TMPRSS9: variants seen among roughly 807,000 people sequenced by gnomAD.
The protein encoded by TMPRSS9 is transmembrane protease serine 9.
A neutral mutation model predicts 111.4 loss-of-function variants in TMPRSS9; 113 were observed. The observed-to-expected ratio is 1.01, with a 90% CI of 0.87 to 1.19. The LOEUF (loss-of-function observed/expected upper bound fraction) is 1.19. Ranked by LOEUF, TMPRSS9 falls within the 50% of genes most tolerant of loss-of-function variation. The pLI, the probability that TMPRSS9 is intolerant of heterozygous loss-of-function variation, is 0.00. For synonymous variants in TMPRSS9, 805 were observed against 659.1 expected (o/e 1.22, Z -3.39); for missense variants, 1,803 against 1,513.1 (o/e 1.19, Z -3.18).
At chr19:2,407,495 CCA>C (rs1970991299) in intron 7 of TMPRSS9, among the ~76,000 whole-genome samples, 1 of 151,652 alleles carries the variant, frequency 6.6e-6, no homozygotes, top group South Asian at 2.1e-4. Context: ...CCACTGCACT[CCA>C]GTCTGGGAGA....
intron 10 of TMPRSS9, among the ~76,000 whole-genome samples, chr19:2,415,236 C>T (rs1030926397): frequency 2.6e-5 from 4 of 152,046 alleles, no homozygotes; most frequent in Non-Finnish European, 5.9e-5. Context: ...TGAGCCACCG[C>T]GCCCGGCCAT....
At chr19:2,405,625 CT>C in intron 7 of TMPRSS9, 80 bp downstream of exon 8, 2 of 1,397,232 alleles carry the variant, frequency 1.4e-6, no homozygotes, top group Non-Finnish European at 1.9e-6. Context: ...GACGTCACTT[CT>C]GGTTTCCTTA....
intron 17 of TMPRSS9, 84 bp downstream of exon 18, chr19:2,425,577 C>G: frequency 7.1e-7 from 1 of 1,402,326 alleles, no homozygotes; most frequent in Non-Finnish European, 9.3e-7. Flanking sequence ...GCCCACCATC[C>G]GGGAGCCACC....
intron 1 of TMPRSS9, 151 bp downstream of exon 2, chr19:2,390,078 G>A: frequency 1.0e-6 from 1 of 967,492 alleles, no homozygotes; most frequent in Non-Finnish European, 1.5e-6. Flanking sequence ...AGGCGGGTGG[G>A]CGGGGAGTGG....
exon 18 of TMPRSS9, chr19:2,426,162 C>CACCGT (rs1599324657): frequency 7.8e-7 from 1 of 1,274,766 alleles, no homozygotes; most frequent in Non-Finnish European, 1.0e-6. Flanking sequence ...CACCCCACCC[C>CACCGT]ACCGTACCCT....
intron 9 of TMPRSS9, among the ~76,000 whole-genome samples, chr19:2,413,261 G>A (rs1971136471): frequency 6.6e-6 from 1 of 152,104 alleles, no homozygotes; most frequent in Non-Finnish European, 1.5e-5. Context: ...GATATGGGAA[G>A]GTAAAAAATG....
intron 13 of TMPRSS9, among the ~76,000 whole-genome samples, chr19:2,421,152 GC>G (rs1187148826): frequency 6.6e-6 from 1 of 151,910 alleles, no homozygotes; most frequent in African/African-American, 2.4e-5. Context: ...GTTGCAGTGA[GC>G]CGAGATCATC....
chr19:2,424,948 G>A, intron 15 of TMPRSS9, 54 bp from the exon 17 acceptor site: 5 of 1,396,734 alleles, frequency 3.6e-6, no homozygotes, highest in Middle Eastern at 2.6e-4. Flanking sequence ...CCACAGGGGC[G>A]GGGGCCGGGG....
intron 1 of TMPRSS9, among the ~76,000 whole-genome samples, chr19:2,371,825 C>T (rs561378377): frequency 4.6e-5 from 7 of 152,308 alleles, no homozygotes; most frequent in East Asian, 1.9e-4. Flanking sequence ...CCATCACCAC[C>T]GCGTTGGGAT....
chr19:2,399,844 C>T lies in TMPRSS9; in HGVS notation c.514+651C>T, dbSNP rs542649066. ...GCAATTTTCCTGCCTCAGTAGCTCC[C>T]GACTCACTCCCGAGTAGCTGGGATT... On this transcript the variant is annotated intron_variant, in intron 4 of 17. Coordinates refer to ENST00000648592, the Ensembl canonical transcript of TMPRSS9. Among the ~76,000 whole-genome samples the T allele has an allele frequency of 4.6e-5, 7 of 152,170 alleles. No homozygotes were observed. In the East Asian group the frequency reaches 1.2e-3, roughly 25 times the overall value.
At position 2,378,449 on chromosome 19, in the gene TMPRSS9, G is replaced by T. The variant is rs534243215; in HGVS notation, c.-25-11312G>T. Among the ~76,000 whole-genome samples the T allele has an allele frequency of 9.2e-5, 14 of 152,316 alleles. No individual in the cohort carries two copies. The East Asian group carries it at 2.7e-3, about 29-fold the overall frequency. ...GAAAGCATACCCAAGGCTGGGTGCA[G>T]TGGCTCATGCCTGTAATCCCAGCAC... On this transcript the variant is annotated intron_variant, in intron 1 of 17. Transcript: ENST00000649857.
At chr19:2,389,374 CTTTT>C (rs1165662530), upstream of TMPRSS9, among the ~76,000 whole-genome samples, 2 of 105,398 alleles carry the variant, frequency 1.9e-5, no homozygotes, top group Admixed American at 1.1e-4. Context: ...CGCATCTGGT[CTTTT>C]TTTTTTTTTT....
intron 4 of TMPRSS9, among the ~76,000 whole-genome samples, chr19:2,400,804 T>C (rs889052953): frequency 1.3e-4 from 20 of 150,678 alleles, no homozygotes; most frequent in Admixed American, 1.3e-3. Context: ...TGAAACCCCA[T>C]CTCTACTAAA....
At chr19:2,418,392 TCCCTG>T (rs1971332306) in intron 13 of TMPRSS9, among the ~76,000 whole-genome samples, 1 of 31,704 alleles carries the variant, frequency 3.2e-5, no homozygotes, top group Non-Finnish European at 6.1e-5. Context: ...TTTCCTTCCC[TCCCTG>T]GCCTTTCCTT....
rs572403398 is a variant in TMPRSS9 at position 2,401,855 on chromosome 19, G to A, written c.515-120G>A. Reference sequence around the variant, plus strand: ...ACTCCTGACCGCAAATGATCCACCCGCCTCAGCCTCCCAAAGTGCTGGGAT... The same window carrying A: ...ACTCCTGACCGCAAATGATCCACCCACCTCAGCCTCCCAAAGTGCTGGGAT... On this transcript the variant is annotated intron_variant, in intron 4 of 17. Coordinates refer to ENST00000648592, the Ensembl canonical transcript of TMPRSS9. 99 of 595,478 alleles carry A rather than the reference G, an allele frequency of 1.7e-4. No individual in the cohort carries two copies. In the African/African-American group the frequency reaches 1.7e-3, roughly 10 times the overall value. 36.9% of individuals were successfully genotyped at this position (595,478 alleles called of 1,614,324 possible).
intron 13 of TMPRSS9, among the ~76,000 whole-genome samples, chr19:2,420,700 C>T (rs1282020817): frequency 1.1e-4 from 17 of 152,154 alleles, no homozygotes; most frequent in Admixed American, 1.1e-3. Flanking sequence ...CTCTGATCCC[C>T]ATATGTAAAG....
chr19:2,401,948 GCTT>G, intron 4 of TMPRSS9, 24 bp from the exon 6 acceptor site: 1 of 1,604,746 alleles, frequency 6.2e-7, no homozygotes, highest in Non-Finnish European at 8.5e-7. Flanking sequence ...TATTCAGTGA[GCTT>G]CTATCTTCTC....
intron 1 of TMPRSS9, among the ~76,000 whole-genome samples, chr19:2,377,241 TACTG>T (rs1465802388): frequency 1.1e-4 from 15 of 131,254 alleles, no homozygotes; most frequent in Admixed American, 1.6e-4. Context: ...TTTCTTTTTT[TACTG>T]TATGTATGTA....
At chr19:2,387,504 AGAAAGGAAAG>A (rs1274371738), upstream of TMPRSS9, among the ~76,000 whole-genome samples, 2 of 151,132 alleles carry the variant, frequency 1.3e-5, no homozygotes, top group Admixed American at 6.6e-5. Context: ...TCAATAGAAA[AGAAAGGAAAG>A]GAAAGGAAAG....
Sources: gnomAD v4.1 joint callset for allele counts (sites outside exome capture counted in the v4.1 genomes callset) on GRCh38, gnomAD v4.1.1 for gene constraint, MANE v1.5 for transcripts, NCBI Gene and HGNC (gene_info 2026-07-23, HGNC 2026-07-21) for gene names.